PSEN1: variants seen among roughly 807,000 people sequenced by gnomAD.
PSEN1 encodes presenilin 1.
A neutral mutation model predicts 53.5 loss-of-function variants in PSEN1; 15 were observed. The ratio of observed to expected loss-of-function variants is 0.28; its 90% confidence interval spans 0.19 to 0.43. The LOEUF is 0.43. Ranked by LOEUF, PSEN1 falls within the 20% of genes least tolerant of loss-of-function variation. The probability of loss-of-function intolerance (pLI) is 1.00; values close to 1 mark genes in which losing one functional copy is unlikely to be tolerated. For missense variants in PSEN1, 387 were observed against 571.2 expected (o/e 0.68, Z 3.29); for synonymous variants, 208 against 209.8 (o/e 0.99, Z 0.08).
At position 73,211,920 on chromosome 14, in the gene PSEN1, C is replaced by T. The variant is rs1257745521; in HGVS notation, c.1107C>T (p.Leu369=). The change falls in exon 10 of 12, where the codon CTC becomes CTT. Residue 369 remains leucine (L), a synonymous_variant. Transcript: ENST00000324501. ...AAVQELSSSI[L]AGEDPEERGV... ...TCCAGGAACTTTCCAGCAGTATCCT[C>T]GCTGGTGAAGACCCAGAGGAAAGTA... The T allele has an allele frequency of 4.3e-6, 7 of 1,613,784 alleles. 1 individual carries two copies. In the South Asian group the frequency reaches 4.4e-5, roughly 10 times the overall value.
At chr14:73,186,048 A>G (rs2033002325) in intron 5 of PSEN1, among the ~76,000 whole-genome samples, 1 of 152,200 alleles carries the variant, frequency 6.6e-6, no homozygotes, top group South Asian at 2.1e-4. Context: ...TTGTGGAAGA[A>G]CACCAGAAAC....
rs79729083 is a variant in PSEN1 at position 73,213,746 on chromosome 14, A to C, written c.1129+1804A>C. ...AAATGTAAAAATGATCTGTAAACAC[A>C]TAAAAAGATACTCAGCATCATTAGC... On this transcript the variant is annotated intron_variant, in intron 10 of 11. Coordinates refer to ENST00000324501, the MANE Select transcript of PSEN1 (RefSeq NM_000021.4). Among the ~76,000 whole-genome samples the C allele has an allele frequency of 2.2e-3, 328 of 152,360 alleles. 6 individuals carry two copies. Among genetic ancestry groups the C allele is most frequent in the East Asian group, 0.02 (104 of 5,192 alleles).
At chr14:73,149,387 A>T (rs10151436) in intron 3 of PSEN1, among the ~76,000 whole-genome samples, 29,253 of 151,644 alleles carry the variant, frequency 0.19, 4,395 homozygotes, top group African/African-American at 0.43. Flanking sequence ...TTGTGTGTAC[A>T]TTTCACTACA....
chr14:73,194,141 G>A (rs1421533043), intron 7 of PSEN1, among the ~76,000 whole-genome samples: 1 of 152,154 alleles, frequency 6.6e-6, no homozygotes, highest in African/African-American at 2.4e-5. Context: ...TTTCAGGTAC[G>A]TACTCTGTGG....
intron 3 of PSEN1, among the ~76,000 whole-genome samples, chr14:73,166,123 A>T (rs1238033023): frequency 6.6e-6 from 1 of 152,120 alleles, no homozygotes; most frequent in African/African-American, 2.4e-5. Context: ...AGAGTTTGTG[A>T]ATGTGTATGT....
At chr14:73,161,856 C>CG (rs1348294202) in intron 3 of PSEN1, among the ~76,000 whole-genome samples, 2 of 151,986 alleles carry the variant, frequency 1.3e-5, no homozygotes, top group African/African-American at 4.8e-5. Flanking sequence ...ATGTAAACAG[C>CG]GCAGTGGCTG....
Position 73,219,615 on chromosome 14 carries a change from G to T in PSEN1, c.*326G>T, listed in dbSNP as rs538822200. ...TCAGCAGCTTGACGCGTGGTCACAG[G>T]ACGATTTCACTGACACTGCGAACTC... On this transcript the variant is annotated 3_prime_UTR_variant, in exon 12 of 12. Coordinates refer to ENST00000324501, the MANE Select transcript of PSEN1 (RefSeq NM_000021.4). 17 of 373,396 alleles carry T rather than the reference G, an allele frequency of 4.6e-5. No individual in the cohort carries two copies. In the East Asian group the frequency reaches 1.1e-3, roughly 24 times the overall value. 23.1% of individuals were successfully genotyped at this position (373,396 alleles called of 1,614,324 possible). A position where few individuals can be genotyped will look rare whatever the true frequency, so the allele number is the denominator to read the frequency against.
chr14:73,216,180 TAGGCG>T lies in PSEN1; in HGVS notation c.1130-941_1130-937del, dbSNP rs1476400102. Among the ~76,000 whole-genome samples, 7 of 152,184 alleles carry T rather than the reference TAGGCG, an allele frequency of 4.6e-5. No homozygotes were observed. In the East Asian group the frequency reaches 1.4e-3, roughly 29 times the overall value. On this transcript the variant is annotated intron_variant, in intron 10 of 11. Transcript: ENST00000324501. Reference sequence around the variant, plus strand: ...CTCAAAAACATTATATTAAGTAAAATAGGCGAGGCATGTATTGTATGAGTCATATG... The same window carrying T: ...CTCAAAAACATTATATTAAGTAAAATAGGCATGTATTGTATGAGTCATATG...
At chr14:73,209,604 T>G (rs761195349) in intron 9 of PSEN1, among the ~76,000 whole-genome samples, 4 of 151,886 alleles carry the variant, frequency 2.6e-5, no homozygotes, top group Non-Finnish European at 4.4e-5. Context: ...TTTGGAGAGA[T>G]AGATGGTCAA....
chr14:73,179,530 T>C (rs948853122), intron 5 of PSEN1, among the ~76,000 whole-genome samples: 4 of 152,110 alleles, frequency 2.6e-5, no homozygotes, highest in Admixed American at 6.5e-5. Context: ...GGCAGGAGTA[T>C]TGCTTGAACC....
At position 73,219,519 on chromosome 14, in the gene PSEN1, G is replaced by T. The variant is rs200692223; in HGVS notation, c.*230G>T. 361 of 530,740 alleles carry T rather than the reference G, an allele frequency of 6.8e-4. 1 individual carries two copies. Among genetic ancestry groups the T allele is most frequent in the South Asian group, 1.5e-3 (77 of 49,834 alleles). The allele number at this position is 530,740 out of a possible 1,614,324, so 32.9% of individuals were successfully genotyped here. ...TTCATCGCAGTGGACTGTGTCCCTC[G>T]GTGCAGAAACTACCAGATTTGAGGG... On this transcript the variant is annotated 3_prime_UTR_variant, in exon 12 of 12. Coordinates refer to ENST00000324501, the MANE Select transcript of PSEN1 (RefSeq NM_000021.4).
chr14:73,189,604 C>G (rs533595318), intron 6 of PSEN1, among the ~76,000 whole-genome samples: 2 of 152,218 alleles, frequency 1.3e-5, no homozygotes, highest in South Asian at 4.1e-4. Flanking sequence ...AAGAGTGAAA[C>G]TCCATTTCAA....
At chr14:73,204,842 G>T (rs892673219) in intron 8 of PSEN1, among the ~76,000 whole-genome samples, 1 of 151,844 alleles carries the variant, frequency 6.6e-6, no homozygotes, top group Non-Finnish European at 1.5e-5. Flanking sequence ...TTTGAGTCTG[G>T]CCTGGGCAAC....
At chr14:73,197,368 C>T (rs1273530605) in intron 7 of PSEN1, among the ~76,000 whole-genome samples, 1 of 152,186 alleles carries the variant, frequency 6.6e-6, no homozygotes. Flanking sequence ...TACTTTTCAG[C>T]ACCACATACA....
chr14:73,177,961 T>G (rs1898092495), intron 5 of PSEN1, among the ~76,000 whole-genome samples: 1 of 151,692 alleles, frequency 6.6e-6, no homozygotes, highest in Non-Finnish European at 1.5e-5. Context: ...ACCACATTCT[T>G]TACTCTTTTT....
chr14:73,184,568 C>T (rs1325679342), intron 5 of PSEN1, among the ~76,000 whole-genome samples: 42 of 137,712 alleles, frequency 3.0e-4, no homozygotes, highest in African/African-American at 1.1e-3. Flanking sequence ...GGCAGAGGGG[C>T]TCCTCACTTC....
rs1280914010 is a variant in PSEN1, at chr14:73,136,517, C to G, written c.-202C>G. ...CCGCGGTTTCACATCGGAAACAAAA[C>G]AGCGGCTGGTCTGGAAGGAACCTGA... On this transcript the variant is annotated 5_prime_UTR_variant, in exon 1 of 12. Transcript: ENST00000324501. 2.0e-5 allele frequency: 3 copies of G among 153,048 alleles called. No homozygotes were observed. The highest frequency in any genetic ancestry group is 7.2e-5 in the African/African-American group (3 of 41,482). The allele number at this position is 153,048 out of a possible 1,614,324, so 9.5% of individuals were successfully genotyped here.
At position 73,221,455 on chromosome 14, in the gene PSEN1, G is replaced by A. The variant is rs1038491699; in HGVS notation, c.*2166G>A. 6.6e-6 allele frequency: 1 copy of A among 152,202 alleles called. No homozygotes were observed. Among genetic ancestry groups the A allele is most frequent in the Non-Finnish European group, 1.5e-5 (1 of 68,042 alleles). 9.4% of individuals were successfully genotyped at this position (152,202 alleles called of 1,614,324 possible). On this transcript the variant is annotated 3_prime_UTR_variant, in exon 12 of 12. Transcript: ENST00000324501. ...TTCTTCTCTGAAGAGGGTACGTGGG[G>A]TGTGTGTATTTAAATCCATCCTATG...
chr14:73,194,105 A>G (rs1898837776), intron 7 of PSEN1, among the ~76,000 whole-genome samples: 1 of 152,184 alleles, frequency 6.6e-6, no homozygotes, highest in Admixed American at 6.5e-5. Flanking sequence ...CAGTTAGAAC[A>G]TACTCCAGCC....
Sources: allele counts gnomAD v4.1 joint callset (sites outside exome capture counted in the v4.1 genomes callset), GRCh38; gene constraint gnomAD v4.1.1; transcripts MANE v1.5; gene names NCBI Gene and HGNC (gene_info 2026-07-23, HGNC 2026-07-21).